Variants in NFIC observed in about 807,000 individuals in gnomAD.
NFIC encodes nuclear factor 1 C-type.
A neutral mutation model predicts 54.4 loss-of-function variants in NFIC; 12 were observed. The ratio of observed to expected loss-of-function variants is 0.22; its 90% CI spans 0.14 to 0.36. NFIC has a LOEUF of 0.36. Ranked by LOEUF, NFIC falls within the 10% of genes least tolerant of loss-of-function variation. The pLI, the probability that NFIC is intolerant of heterozygous loss-of-function variation, is 1.00. For synonymous variants in NFIC, 322 were observed against 319.2 expected (o/e 1.01, Z -0.09); for missense variants, 575 against 718.2 (o/e 0.80, Z 2.28).
At chr19:3,417,279 A>G (rs900861332) in intron 2 of NFIC, among the ~76,000 whole-genome samples, 1 of 152,160 alleles carries the variant, frequency 6.6e-6, no homozygotes, top group African/African-American at 2.4e-5. Context: ...CCCATCTCAA[A>G]GCAGAACAAC....
At chr19:3,442,893 A>G (rs2082315734) in intron 6 of NFIC, among the ~76,000 whole-genome samples, 1 of 152,224 alleles carries the variant, frequency 6.6e-6, no homozygotes, top group Non-Finnish European at 1.5e-5. Context: ...GGACCACATT[A>G]AGAGAGGAGG....
chr19:3,417,409 A>T (rs1465161818), intron 2 of NFIC, among the ~76,000 whole-genome samples: 1 of 152,094 alleles, frequency 6.6e-6, no homozygotes, highest in Non-Finnish European at 1.5e-5. Flanking sequence ...ATTTAATCAG[A>T]TGGGGTCAGG....
At chr19:3,385,339 C>T (rs2081278574) in intron 2 of NFIC, among the ~76,000 whole-genome samples, 1 of 151,932 alleles carries the variant, frequency 6.6e-6, no homozygotes, top group Non-Finnish European at 1.5e-5. Context: ...CCTCTCTGTG[C>T]TTCATTTCCT....
rs558049800 is a variant in NFIC at position 3,449,927 on chromosome 19, C to T, written c.1084+788C>T. ...AAAATTAGCCGAGTGTGGTGGTATG[C>T]GCCTGTAGTCCCAGCTACTTGGGAG... On this transcript the variant is annotated intron_variant, in intron 7 of 10. Transcript: ENST00000443272. Among the ~76,000 whole-genome samples the T allele has an allele frequency of 4.6e-5, 7 of 152,014 alleles. 1 individual carries two copies. The highest frequency in any genetic ancestry group is 1.7e-4 in the African/African-American group (7 of 41,440).
chr19:3,373,983 C>T (rs1040557178), intron 1 of NFIC, among the ~76,000 whole-genome samples: 6 of 152,272 alleles, frequency 3.9e-5, no homozygotes, highest in East Asian at 1.9e-4. Context: ...TGGGGTTGTC[C>T]GTGGGACCAT....
At chr19:3,384,798 G>T (rs1309146134) in intron 2 of NFIC, among the ~76,000 whole-genome samples, 1 of 152,080 alleles carries the variant, frequency 6.6e-6, no homozygotes, top group Admixed American at 6.6e-5. Flanking sequence ...AGGGGGCACT[G>T]GGGACGGTGG....
In NFIC at chr19:3,450,957, A is replaced by G. The variant is rs146482723; in HGVS notation, c.1085-1525A>G. On this transcript the variant is annotated intron_variant, in intron 7 of 10. Coordinates refer to ENST00000443272, the MANE Select transcript of NFIC (RefSeq NM_001245002.2). ...GTGGCAGCTCTCACCCTGTCTTGGC[A>G]GGGCTGAGTAATTACAGCAGAGACC... Among the ~76,000 whole-genome samples, 644 of 152,342 alleles carry G rather than the reference A, an allele frequency of 4.2e-3. 6 individuals carry two copies. Among genetic ancestry groups the G allele is most frequent in the African/African-American group, 0.015 (611 of 41,580 alleles).
chr19:3,394,514 T>TCCCCCCCCCCCCCCCC (rs199958298), intron 2 of NFIC, among the ~76,000 whole-genome samples: 8 of 25,274 alleles, frequency 3.2e-4, no homozygotes, highest in African/African-American at 6.6e-4. Flanking sequence ...TATGATCTTT[T>TCCCCCCCCCCCCCCCC]CCCCACCCAC....
chr19:3,433,491 A>G (rs374297124), intron 3 of NFIC, 27 bp from the exon 4 acceptor site: 2 of 1,612,152 alleles, frequency 1.2e-6, no homozygotes, highest in East Asian at 2.2e-5. Flanking sequence ...AGCTCAGCCT[A>G]CTGACCCCGC....
At chr19:3,376,219 C>T (rs2081104312) in intron 1 of NFIC, among the ~76,000 whole-genome samples, 1 of 151,786 alleles carries the variant, frequency 6.6e-6, no homozygotes, top group Non-Finnish European at 1.5e-5. Flanking sequence ...CGCTTGAGCC[C>T]AGGAATTCGA....
At chr19:3,381,459 G>A (rs2081205917) in intron 1 of NFIC, among the ~76,000 whole-genome samples, 1 of 150,948 alleles carries the variant, frequency 6.6e-6, no homozygotes, top group Non-Finnish European at 1.5e-5. Flanking sequence ...CTCTCACATA[G>A]TCCAAGTCTG....
rs774886997 is a variant in NFIC, at chr19:3,369,454, C to A, written c.30+2788C>A. On this transcript the variant is annotated intron_variant, in intron 1 of 10. Coordinates refer to ENST00000443272, the MANE Select transcript of NFIC (RefSeq NM_001245002.2). The surrounding 1 kb of genome is among the most constrained non-coding windows in gnomAD (Gnocchi z 4.3). ...GCTAATTTTACAACCTGAGCCCAAC[C>A]GAAAATAGCTCCCTTTTAGCTGATC... Among the ~76,000 whole-genome samples, 1 of 151,444 alleles carries A rather than the reference C, an allele frequency of 6.6e-6. No homozygotes were observed. Among genetic ancestry groups the A allele is most frequent in the South Asian group, 2.1e-4 (1 of 4,780 alleles).
intron 6 of NFIC, among the ~76,000 whole-genome samples, chr19:3,438,528 C>T (rs973749862): frequency 2.0e-5 from 3 of 151,394 alleles, no homozygotes; most frequent in Admixed American, 6.6e-5. Flanking sequence ...AGCTCCGCTT[C>T]CCGGGTTCAC....
rs1176215106 is a variant in NFIC at position 3,467,789 on chromosome 19, A to ATATATATATATATATATAT, written c.*5020_*5021insTATATATATATATATATAT. 3.7e-3 allele frequency: 477 copies of ATATATATATATATATATAT among 128,940 alleles called. 1 individual carries two copies. The highest frequency in any genetic ancestry group is 5.8e-3 in the African/African-American group (186 of 31,890). The allele number at this position is 128,940 out of a possible 1,614,324, so 8.0% of individuals were successfully genotyped here. A position where few individuals can be genotyped will look rare whatever the true frequency, so the allele number is the denominator to read the frequency against. On this transcript the variant is annotated 3_prime_UTR_variant, in exon 11 of 11. Coordinates refer to ENST00000443272, the MANE Select transcript of NFIC (RefSeq NM_001245002.2). ...TATATATATATATATATATATATAT[A>ATATATATATATATATATAT]ATTTTGGAATTTGTTTCTCATAATA...
intron 2 of NFIC, among the ~76,000 whole-genome samples, chr19:3,411,954 G>T (rs1599640367): frequency 6.6e-6 from 1 of 152,354 alleles, no homozygotes. Flanking sequence ...GCACTGGACT[G>T]AGCTCAGCTG....
chr19:3,433,350 C>A (rs1479402440), intron 3 of NFIC, among the ~76,000 whole-genome samples, 168 bp from the exon 4 acceptor site: 4 of 152,232 alleles, frequency 2.6e-5, no homozygotes, highest in African/African-American at 7.2e-5. Context: ...AAGGACCCCC[C>A]ACGGGGCCTT....
chr19:3,361,056 A>C (rs552873817), intron 1 of NFIC, among the ~76,000 whole-genome samples: 1 of 151,688 alleles, frequency 6.6e-6, no homozygotes. Flanking sequence ...CCTTTTCAAA[A>C]CTCTGTCCCT....
rs1001586768 is a variant in NFIC at position 3,463,636 on chromosome 19, C to A, written c.*867C>A. Reference sequence around the variant, plus strand: ...TTGGCCCCGGCCCCTCCACCCCCCACCCCCGGCATAGGAGGCCCCCCCACC... The same window carrying A: ...TTGGCCCCGGCCCCTCCACCCCCCAACCCCGGCATAGGAGGCCCCCCCACC... On this transcript the variant is annotated 3_prime_UTR_variant, in exon 11 of 11. Coordinates refer to ENST00000443272, the MANE Select transcript of NFIC (RefSeq NM_001245002.2). 3.1e-6 allele frequency: 3 copies of A among 981,280 alleles called. No homozygotes were observed. Among genetic ancestry groups the A allele is most frequent in the Middle Eastern group, 5.2e-4 (1 of 1,934 alleles). The allele number at this position is 981,280 out of a possible 1,614,324, so 60.8% of individuals were successfully genotyped here. A position where few individuals can be genotyped will look rare whatever the true frequency, so the allele number is the denominator to read the frequency against.
At position 3,423,779 on chromosome 19, in the gene NFIC, A is replaced by G. The variant is rs73919154; in HGVS notation, c.563-1327A>G. 4.1e-3 allele frequency among the ~76,000 whole-genome samples: 630 copies of G among 152,256 alleles called. 8 individuals carry two copies. The highest frequency in any genetic ancestry group is 0.014 in the African/African-American group (582 of 41,562). On this transcript the variant is annotated intron_variant, in intron 2 of 10. Coordinates refer to ENST00000443272, the MANE Select transcript of NFIC (RefSeq NM_001245002.2). Reference sequence around the variant, plus strand: ...CTGGGCGGGCAGTGGGGTCGTCGCCATCAGAGAGACCACCCCTCAGCCTCC... The same window carrying G: ...CTGGGCGGGCAGTGGGGTCGTCGCCGTCAGAGAGACCACCCCTCAGCCTCC...
Sources: allele counts gnomAD v4.1 joint callset (sites outside exome capture counted in the v4.1 genomes callset), GRCh38; gene constraint gnomAD v4.1.1; non-coding constraint Gnocchi (gnomAD v3.1); transcripts MANE v1.5; gene names NCBI Gene and HGNC (gene_info 2026-07-23, HGNC 2026-07-21).